Variants in TRDN observed in about 807,000 individuals in gnomAD.
TRDN encodes the protein triadin, also known as triadin in skeletal muscle.
Under a neutral mutation model 149.7 loss-of-function variants are expected in TRDN, and 161 were observed. That is an observed-to-expected ratio of 1.08 (90% CI 0.95 to 1.23). The LOEUF (loss-of-function observed/expected upper bound fraction) is 1.23. Among genes scored for constraint, TRDN ranks in the 50% most tolerant of loss-of-function variants. TRDN has a pLI of 0.00. For missense variants in TRDN, 896 were observed against 823.5 expected, an observed-to-expected ratio of 1.09 and a Z score of -1.08; for synonymous variants, 294 against 250.5, an observed-to-expected ratio of 1.17 and a Z score of -1.64.
At chr6:123,287,025 C>T (rs1357873774) in intron 24 of TRDN, among the ~76,000 whole-genome samples, 2 of 152,098 alleles carry the variant, frequency 1.3e-5, no homozygotes, top group Non-Finnish European at 2.9e-5. Flanking sequence ...AATCATCATT[C>T]ACCACATATA....
In TRDN at chr6:123,335,202, CTT is replaced by C. The variant is rs574087132; in HGVS notation, c.1420+2415_1420+2416del. 7.3e-5 allele frequency among the ~76,000 whole-genome samples: 11 copies of C among 151,656 alleles called. No homozygotes were observed. In the East Asian group the frequency reaches 1.4e-3, roughly 19 times the overall value. On this transcript the variant is annotated intron_variant, in intron 22 of 40. Transcript: ENST00000334268. ...GAAATTCTTCTAAAACAGTATTCGA[CTT>C]ATATATAATAAAGGCATTTTGGGGG...
chr6:123,591,652 C>G (rs954876964), intron 1 of TRDN, among the ~76,000 whole-genome samples: 1 of 152,120 alleles, frequency 6.6e-6, no homozygotes. Flanking sequence ...AGGAAATACA[C>G]GTATTTTAAG....
chr6:123,568,954 C>A (rs1427827997), intron 2 of TRDN, among the ~76,000 whole-genome samples: 6 of 152,200 alleles, frequency 3.9e-5, no homozygotes, highest in Non-Finnish European at 8.8e-5. Flanking sequence ...AAAGCTGTTT[C>A]TTTCTTTGTC....
intron 20 of TRDN, among the ~76,000 whole-genome samples, chr6:123,358,176 A>G (rs1780757842): frequency 2.6e-5 from 4 of 152,238 alleles, no homozygotes; most frequent in Middle Eastern, 6.8e-3. Flanking sequence ...CTTTTGTAGA[A>G]GCGTATTTTA....
At chr6:123,480,284 A>G (rs1777690845) in intron 9 of TRDN, among the ~76,000 whole-genome samples, 1 of 151,908 alleles carries the variant, frequency 6.6e-6, no homozygotes, top group Non-Finnish European at 1.5e-5. Context: ...TTCAAGAAAA[A>G]ACACAAAACT....
chr6:123,228,223 G>T (rs913293925), intron 38 of TRDN, among the ~76,000 whole-genome samples: 3 of 151,918 alleles, frequency 2.0e-5, no homozygotes, highest in South Asian at 2.1e-4. Flanking sequence ...AAATCAGAGA[G>T]ATTCAATGTC....
rs35881822 is a variant in TRDN at position 123,605,597 on chromosome 6, CA to C, written c.22+31156del. On this transcript the variant is annotated intron_variant, in intron 1 of 40. Transcript: ENST00000334268. ...GGGCAATATGGCGAAACCCTCTCTA[CA>C]AAAAAAAAAAAAAAATATTAGCCAA... Among the ~76,000 whole-genome samples the C allele has an allele frequency of 2.4e-3, 297 of 123,968 alleles. 1 individual carries two copies. The highest frequency in any genetic ancestry group is 4.7e-3 in the Middle Eastern group (1 of 212). 81.3% of individuals were successfully genotyped at this position (123,968 alleles called of 152,430 possible).
chr6:123,574,893 T>TATATAC lies in TRDN; in HGVS notation c.23-3762_23-3761insGTATAT, dbSNP rs1554259184. Reference sequence around the variant, plus strand: ...ATATATATATATATATATATATATATACACACATTTTCCTTTCTTTGATCA... The same window carrying TATATAC: ...ATATATATATATATATATATATATATATATACACACACATTTTCCTTTCTTTGATCA... On this transcript the variant is annotated intron_variant, in intron 1 of 40. Transcript: ENST00000334268. Among the ~76,000 whole-genome samples, 70 of 93,958 alleles carry TATATAC rather than the reference T, an allele frequency of 7.5e-4. 1 individual carries two copies. Among genetic ancestry groups the TATATAC allele is most frequent in the African/African-American group, 3.7e-3 (59 of 16,070 alleles). 61.6% of individuals were successfully genotyped at this position (93,958 alleles called of 152,430 possible).
intron 24 of TRDN, among the ~76,000 whole-genome samples, chr6:123,291,344 C>T (rs1778004656): frequency 6.6e-6 from 1 of 151,948 alleles, no homozygotes; most frequent in Non-Finnish European, 1.5e-5. Context: ...GCAGGTGGAT[C>T]AGGAGGTCAG....
At chr6:123,481,819 G>A (rs1366427408) in intron 9 of TRDN, among the ~76,000 whole-genome samples, 1 of 152,112 alleles carries the variant, frequency 6.6e-6, no homozygotes, top group Non-Finnish European at 1.5e-5. Context: ...AGCACGCTAG[G>A]CCAGGCTCTT....
intron 33 of TRDN, 98 bp from the exon 34 acceptor site, chr6:123,260,736 C>T (rs1776739906): frequency 1.0e-6 from 1 of 991,372 alleles, no homozygotes; most frequent in Non-Finnish European, 1.4e-6. Flanking sequence ...TGAAACTTAT[C>T]TTCTGATATT....
At chr6:123,393,929 C>T (rs1412078394) in intron 12 of TRDN, among the ~76,000 whole-genome samples, 1 of 152,068 alleles carries the variant, frequency 6.6e-6, no homozygotes, top group Non-Finnish European at 1.5e-5. Context: ...TGTTAACTGG[C>T]CATGGAATAT....
Position 123,343,377 on chromosome 6 carries a change from G to A in TRDN, c.1370-5708C>T, listed in dbSNP as rs116812499. Reference sequence around the variant, plus strand: ...TTGAACTTTTTAAAATGGAAATCCTGTCCTAAAACACATTTATGTGGGATC... The same window carrying A: ...TTGAACTTTTTAAAATGGAAATCCTATCCTAAAACACATTTATGTGGGATC... On this transcript the variant is annotated intron_variant, in intron 21 of 40. Transcript: ENST00000334268. Among the ~76,000 whole-genome samples the A allele has an allele frequency of 6.2e-3, 934 of 151,770 alleles. 9 individuals carry two copies. The highest frequency in any genetic ancestry group is 0.022 in the African/African-American group (896 of 41,418).
At chr6:123,328,590 G>T (rs967860882) in intron 23 of TRDN, among the ~76,000 whole-genome samples, 398 of 152,126 alleles carry the variant, frequency 2.6e-3, no homozygotes, top group African/African-American at 9.2e-3. Context: ...TCCAAAACTT[G>T]CCTCATAGTG....
At chr6:123,632,049 T>C (rs532357221) in intron 1 of TRDN, among the ~76,000 whole-genome samples, 8 of 152,234 alleles carry the variant, frequency 5.3e-5, no homozygotes, top group South Asian at 4.1e-4. Flanking sequence ...TCAGAATTTT[T>C]TAAGGTTGTT....
chr6:123,561,134 AT>A lies in TRDN; in HGVS notation c.232+9788del. Among the ~76,000 whole-genome samples the A allele has an allele frequency of 1.3e-5, 2 of 152,076 alleles. 1 individual carries two copies. Among genetic ancestry groups the A allele is most frequent in the Admixed American group, 1.3e-4 (2 of 15,270 alleles). ...AGGGTCTGAGAAGGCCACTGTGGTCATTTCTTCCCTTCTGTGAGACATAATT... is the reference window on the plus strand; with the variant it reads ...AGGGTCTGAGAAGGCCACTGTGGTCATTCTTCCCTTCTGTGAGACATAATT... On this transcript the variant is annotated intron_variant, in intron 2 of 40. Transcript: ENST00000334268.
At chr6:123,554,072 G>A (rs906522673) in intron 2 of TRDN, among the ~76,000 whole-genome samples, 8 of 152,064 alleles carry the variant, frequency 5.3e-5, no homozygotes, top group Non-Finnish European at 8.8e-5. Context: ...CCTTGGTAAG[G>A]TCCATGAAAT....
chr6:123,494,936 G>T (rs1254613809), intron 9 of TRDN, among the ~76,000 whole-genome samples: 2 of 151,870 alleles, frequency 1.3e-5, no homozygotes, highest in South Asian at 4.2e-4. Flanking sequence ...GTTTCACCAT[G>T]TTGGCCAGGC....
intron 21 of TRDN, among the ~76,000 whole-genome samples, chr6:123,347,728 A>C (rs2114279511): frequency 6.6e-6 from 1 of 152,202 alleles, no homozygotes; most frequent in East Asian, 1.9e-4. Context: ...ATGTCTTACA[A>C]GTGAGAATTG....
Sources: allele counts gnomAD v4.1 joint callset (sites outside exome capture counted in the v4.1 genomes callset), GRCh38; gene constraint gnomAD v4.1.1; transcripts MANE v1.5; gene names NCBI Gene and HGNC (gene_info 2026-07-23, HGNC 2026-07-21).